PRELID2: variants seen among roughly 807,000 people sequenced by gnomAD.
PRELID2 encodes PRELI domain containing 2, also known as PRELI domain-containing protein 2.
PRELID2 carries 25 observed loss-of-function variants against 28.4 expected under a neutral mutation model. That is an observed-to-expected ratio of 0.88 (90% CI 0.64 to 1.23). PRELID2 has a LOEUF of 1.23. Among genes scored for constraint, PRELID2 ranks in the 50% most tolerant of loss-of-function variants. The pLI, the probability that PRELID2 is intolerant of heterozygous loss-of-function variation, is 0.00. For synonymous variants in PRELID2, 76 were observed against 71.6 expected, an observed-to-expected ratio of 1.06 and a Z score of -0.31; for missense variants, 201 against 214.4, an observed-to-expected ratio of 0.94 and a Z score of 0.39.
rs1757258052 is a variant in PRELID2 at position 145,756,447 on chromosome 5, T to TGG, written c.*4088_*4089insCC. Among the ~76,000 whole-genome samples, 3 of 152,196 alleles carry TGG rather than the reference T, an allele frequency of 2.0e-5. No homozygotes were observed. The highest frequency in any genetic ancestry group is 7.2e-5 in the African/African-American group (3 of 41,456). ...ACAATAACACTGAATCAGAAACACT[T>TGG]CATCCCACATAAAAATTTGGCCTGA... On this transcript the variant is annotated 3_prime_UTR_variant, in exon 7 of 7. Transcript: ENST00000683046.
intron 1 of PRELID2, among the ~76,000 whole-genome samples, chr5:145,473,495 C>T (rs1165915400): frequency 2.0e-5 from 3 of 152,098 alleles, no homozygotes. Flanking sequence ...TTACTGTTTT[C>T]ACAGATGTGT....
the PRELID2 span, among the ~76,000 whole-genome samples, chr5:145,431,424 A>G: frequency 6.6e-6 from 1 of 152,186 alleles, no homozygotes; most frequent in Admixed American, 6.5e-5. Flanking sequence ...GGATATTTAC[A>G]TAGTTTGAAA....
chr5:145,315,064 C>CTTTTTTTT, the PRELID2 span, among the ~76,000 whole-genome samples: 5 of 100,578 alleles, frequency 5.0e-5, no homozygotes, highest in Non-Finnish European at 9.9e-5. Context: ...TACAATAATT[C>CTTTTTTTT]TTTTTTTTTT....
the PRELID2 span, among the ~76,000 whole-genome samples, chr5:145,387,936 C>CAAAAAAAAAAAAAAAAAAA: frequency 9.0e-6 from 1 of 111,050 alleles, no homozygotes; most frequent in African/African-American, 3.3e-5. Context: ...AAGACAGAAC[C>CAAAAAAAAAAAAAAAAAAA]AAAAAAAAAA....
intron 5 of PRELID2, among the ~76,000 whole-genome samples, chr5:145,772,019 A>G (rs979055222): frequency 1.3e-5 from 2 of 152,224 alleles, no homozygotes; most frequent in Admixed American, 6.5e-5. Context: ...ACCACAATAA[A>G]GCAACTTTTA....
intron 1 of PRELID2, among the ~76,000 whole-genome samples, 159 bp from the exon 2 acceptor site, chr5:145,823,293 C>A (rs1346537546): frequency 6.6e-6 from 1 of 152,084 alleles, no homozygotes. Context: ...ATAACTTGGG[C>A]CTAGATAAGT....
At chr5:145,669,220 A>T (rs1047727386) in intron 1 of PRELID2, among the ~76,000 whole-genome samples, 1 of 152,150 alleles carries the variant, frequency 6.6e-6, no homozygotes, top group African/African-American at 2.4e-5. Context: ...ACAATATTGG[A>T]TAGGAAAACA....
chr5:145,553,853 C>T (rs1218461300), intron 1 of PRELID2, among the ~76,000 whole-genome samples: 1 of 152,156 alleles, frequency 6.6e-6, no homozygotes, highest in Non-Finnish European at 1.5e-5. Context: ...TGGAATATTA[C>T]AACAGCCCTT....
At chr5:145,741,909 T>C (rs1194060673) in intron 1 of PRELID2, among the ~76,000 whole-genome samples, 1 of 121,646 alleles carries the variant, frequency 8.2e-6, no homozygotes, top group Non-Finnish European at 1.6e-5. Context: ...TTTAAATTTA[T>C]ATATAAATAA....
At chr5:145,393,165 T>C in the PRELID2 span, among the ~76,000 whole-genome samples, 1 of 152,194 alleles carries the variant, frequency 6.6e-6, no homozygotes, top group Non-Finnish European at 1.5e-5. Flanking sequence ...AATGAATGTA[T>C]AATAGAGAAT....
chr5:145,238,622 C>T, the PRELID2 span, among the ~76,000 whole-genome samples: 5 of 152,012 alleles, frequency 3.3e-5, no homozygotes, highest in African/African-American at 9.6e-5. Context: ...TTTTTCAAAC[C>T]CTTTTCAAAA....
At chr5:145,827,988 T>C (rs894364220) in intron 1 of PRELID2, among the ~76,000 whole-genome samples, 1 of 152,038 alleles carries the variant, frequency 6.6e-6, no homozygotes, top group Admixed American at 6.5e-5. Flanking sequence ...TGGAAAAAAG[T>C]ATGTGGGAAT....
At chr5:145,731,833 C>T (rs1756356129) in intron 1 of PRELID2, among the ~76,000 whole-genome samples, 1 of 152,100 alleles carries the variant, frequency 6.6e-6, no homozygotes, top group Non-Finnish European at 1.5e-5. Context: ...AAATCTGAAC[C>T]CTCAGGAGTA....
the PRELID2 span, among the ~76,000 whole-genome samples, chr5:145,367,322 A>G: frequency 6.6e-6 from 1 of 151,940 alleles, no homozygotes; most frequent in Non-Finnish European, 1.5e-5. Flanking sequence ...TTTTCAGTTC[A>G]CAGTAAAACT....
chr5:145,399,394 G>T, the PRELID2 span, among the ~76,000 whole-genome samples: 5 of 151,970 alleles, frequency 3.3e-5, no homozygotes, highest in Admixed American at 3.3e-4. Flanking sequence ...AAGTTCAAAG[G>T]TTCATTTCTA....
At chr5:145,675,424 G>A (rs1169317916) in intron 1 of PRELID2, among the ~76,000 whole-genome samples, 2 of 152,100 alleles carry the variant, frequency 1.3e-5, no homozygotes, top group African/African-American at 2.4e-5. Context: ...CTCATACACC[G>A]CTGGTACAAA....
chr5:145,800,801 T>G (rs1581230587), intron 4 of PRELID2, among the ~76,000 whole-genome samples: 1 of 152,300 alleles, frequency 6.6e-6, no homozygotes, highest in Middle Eastern at 3.4e-3. Context: ...ATATTGCACT[T>G]TCCCTCAATA....
At chr5:145,292,929 T>C in the PRELID2 span, among the ~76,000 whole-genome samples, 1 of 152,120 alleles carries the variant, frequency 6.6e-6, no homozygotes, top group African/African-American at 2.4e-5. Flanking sequence ...TTTTGTTGCC[T>C]AGGCCAGTCT....
At chr5:145,780,130 T>C (rs537871013) in intron 5 of PRELID2, among the ~76,000 whole-genome samples, 1 of 152,160 alleles carries the variant, frequency 6.6e-6, no homozygotes, top group East Asian at 1.9e-4. Context: ...CTGGCCAACA[T>C]GGCAAAACCC....
Sources: gnomAD v4.1 joint callset for allele counts (sites outside exome capture counted in the v4.1 genomes callset) on GRCh38, gnomAD v4.1.1 for gene constraint, MANE v1.5 for transcripts, NCBI Gene and HGNC (gene_info 2026-07-23, HGNC 2026-07-21) for gene names.